Variants in CXorf58 observed in about 807,000 individuals in gnomAD.
The protein encoded by CXorf58 is uncharacterized protein CXorf58.
In CXorf58, 24 loss-of-function variants were observed where a neutral mutation model predicts 26.0. The observed-to-expected ratio is 0.92, with a 90% confidence interval of 0.67 to 1.30. The LOEUF (loss-of-function observed/expected upper bound fraction) is 1.30. Ranked by LOEUF, CXorf58 falls within the 50% of genes most tolerant of loss-of-function variation. The pLI is 0.00. For synonymous variants in CXorf58, 87 were observed against 86.1 expected (o/e 1.01, Z -0.06); for missense variants, 236 against 263.9 (o/e 0.89, Z 0.73).
At chrX:23,924,303 TTTATTTA>T (rs1353105016) in intron 5 of CXorf58, among the ~76,000 whole-genome samples, 1 of 60,633 alleles carries the variant, frequency 1.6e-5, no homozygotes, top group African/African-American at 1.3e-4. Flanking sequence ...CTATCTTTAT[TTTATTTA>T]TTTATTTATT....
chrX:23,937,867 T>A (rs1928333000), intron 7 of CXorf58, among the ~76,000 whole-genome samples: 1 of 110,756 alleles, frequency 9.0e-6, no homozygotes, highest in Non-Finnish European at 1.9e-5. Flanking sequence ...ACAGCTTGTT[T>A]TTCCAACCAT....
intron 3 of CXorf58, among the ~76,000 whole-genome samples, chrX:23,912,912 G>A (rs1373664284): frequency 9.0e-6 from 1 of 111,331 alleles, no homozygotes; most frequent in Non-Finnish European, 1.9e-5. Context: ...AAGTGTTGCT[G>A]CTTTTATAGT....
chrX:23,938,819 A>G (rs1055299939), intron 8 of CXorf58, 119 bp downstream of exon 8: 9 of 493,595 alleles, frequency 1.8e-5, no homozygotes, highest in African/African-American at 1.7e-4. Context: ...AACACATTTG[A>G]CACATTTATC....
intron 6 of CXorf58, among the ~76,000 whole-genome samples, chrX:23,933,139 GA>G (rs113866210): frequency 2.1e-4 from 22 of 102,845 alleles, no homozygotes; most frequent in Non-Finnish European, 2.6e-4. Flanking sequence ...TCCAGAAAAG[GA>G]AAAAAAAAAA....
At chrX:23,916,373 C>A in intron 5 of CXorf58, 45 bp downstream of exon 5, 1 of 799,863 alleles carries the variant, frequency 1.3e-6, no homozygotes, top group Non-Finnish European at 1.9e-6. Flanking sequence ...AGCTTTTTAA[C>A]ATCTACATAG....
chrX:23,908,273 T>C lies in CXorf58; in HGVS notation c.-77T>C, dbSNP rs1927469005. ...AGGTTTTAAATTTAAACTAATATGC[T>C]GTGTCCTTTAATCGGAAAAGGCTCT... On this transcript the variant is annotated 5_prime_UTR_variant, in exon 1 of 9. Coordinates refer to ENST00000379211, the MANE Select transcript of CXorf58 (RefSeq NM_152761.3). 2 of 113,019 alleles carry C rather than the reference T, an allele frequency of 1.8e-5. No homozygotes were observed. The highest frequency in any genetic ancestry group is 3.7e-5 in the Non-Finnish European group (2 of 53,390). The allele number at this position is 113,019 out of a possible 1,213,427, so 9.3% of individuals were successfully genotyped here. A position where few individuals can be genotyped will look rare whatever the true frequency, so the allele number is the denominator to read the frequency against.
chrX:23,935,518 T>C, intron 7 of CXorf58, 93 bp downstream of exon 7: 1 of 652,301 alleles, frequency 1.5e-6, no homozygotes, highest in Non-Finnish European at 2.3e-6. Flanking sequence ...TAAGAGGATA[T>C]ATGGGGAAAA....
intron 3 of CXorf58, among the ~76,000 whole-genome samples, chrX:23,912,233 G>A (rs765094124): frequency 5.7e-4 from 63 of 111,174 alleles, no homozygotes; most frequent in African/African-American, 2.0e-3. Flanking sequence ...TTACAGGCGT[G>A]AGCCACCACG....
In CXorf58 at chrX:23,915,784, AT is replaced by A; in HGVS notation, c.303del (p.Arg102AspfsTer35). 8.9e-7 allele frequency: 1 copy of A among 1,128,094 alleles called. No homozygotes were observed. The highest frequency in any genetic ancestry group is 1.2e-6 in the Non-Finnish European group (1 of 822,559). 93.0% of individuals were successfully genotyped at this position (1,128,094 alleles called of 1,213,427 possible). ...LIKDPTMQCKIRFRFRGETFP... is the reference protein window; with the variant it reads ...LIKDPTMQCKXRFRFRGETFP... ...TAAGGATCCTACTATGCAGTGTAAA[AT>A]TAGATTCAGGTAATGTATCTATGCT... On this transcript the variant is annotated frameshift_variant, in exon 4 of 9. Transcript: ENST00000379211. LOFTEE classifies it high-confidence loss of function.
Position 23,939,327 on chromosome X carries a change from T to C in CXorf58, c.*24T>C. On this transcript the variant is annotated 3_prime_UTR_variant, in exon 9 of 9. Transcript: ENST00000379211. ...GACATTGTGAAAACTAAGGAATCTA[T>C]GTCAGAGTGTCAGCTGGAAAAAGAA... is the stretch of plus-strand genomic sequence containing the variant. 4 of 1,059,393 alleles carry C rather than the reference T, an allele frequency of 3.8e-6. No individual in the cohort carries two copies. The highest frequency in any genetic ancestry group is 5.2e-6 in the Non-Finnish European group (4 of 775,186). The allele number at this position is 1,059,393 out of a possible 1,213,427, so 87.3% of individuals were successfully genotyped here. A position where few individuals can be genotyped will look rare whatever the true frequency, so the allele number is the denominator to read the frequency against.
At chrX:23,934,866 T>C (rs986478753) in intron 6 of CXorf58, among the ~76,000 whole-genome samples, 1 of 107,966 alleles carries the variant, frequency 9.3e-6, no homozygotes, top group Non-Finnish European at 1.9e-5. Flanking sequence ...TTTCTTTTCT[T>C]TTCTTTTTTT....
In CXorf58 at chrX:23,927,305, C is replaced by T. The variant is rs772880794; in HGVS notation, c.490C>T (p.Arg164Cys). The T allele has an allele frequency of 4.3e-6, 5 of 1,158,958 alleles. No individual in the cohort carries two copies. The highest frequency in any genetic ancestry group is 5.8e-6 in the Non-Finnish European group (5 of 856,065). The change falls in exon 6 of 9, where the codon CGT (arginine) becomes TGT (cysteine). Residue 164 changes from arginine to cysteine, a missense_variant. By Grantham distance (180) the Arg-to-Cys change is radical. Coordinates refer to ENST00000379211, the MANE Select transcript of CXorf58 (RefSeq NM_152761.3). ...KFHRIIMEDE[R>C]IFPKSKVTDI... is the part of the protein sequence containing the mutation. ...TCACCGTATAATTATGGAAGATGAA[C>T]GTATTTTCCCGAAGTCCAAAGTAAC...
chrX:23,911,630 C>A, intron 2 of CXorf58, 127 bp from the exon 3 acceptor site: 1 of 400,934 alleles, frequency 2.5e-6, no homozygotes, highest in Non-Finnish European at 4.3e-6. Flanking sequence ...CCAAATGTTC[C>A]TCATTAGGTC....
intron 5 of CXorf58, among the ~76,000 whole-genome samples, chrX:23,919,430 T>C (rs1178748201): frequency 2.7e-5 from 3 of 112,613 alleles, no homozygotes; most frequent in South Asian, 3.6e-4. Context: ...TTATTTTTAA[T>C]TATTTCATTC....
intron 6 of CXorf58, among the ~76,000 whole-genome samples, chrX:23,931,658 A>G (rs1928169390): frequency 8.9e-6 from 1 of 112,122 alleles, no homozygotes; most frequent in South Asian, 3.7e-4. Flanking sequence ...CAAACTTAAT[A>G]ATTTGTGGGG....
chrX:23,937,322 A>G (rs1250805869), intron 7 of CXorf58, among the ~76,000 whole-genome samples: 2 of 111,712 alleles, frequency 1.8e-5, no homozygotes, highest in African/African-American at 3.3e-5. Context: ...ATCAACACCC[A>G]TCAGTCATTG....
chrX:23,909,502 A>T (rs1229812876), intron 1 of CXorf58, among the ~76,000 whole-genome samples: 1 of 112,222 alleles, frequency 8.9e-6, no homozygotes, highest in Non-Finnish European at 1.9e-5. Flanking sequence ...ATTTTGTTTT[A>T]AAAAATATTT....
chrX:23,914,516 T>C (rs1927669044), intron 3 of CXorf58, among the ~76,000 whole-genome samples: 1 of 112,318 alleles, frequency 8.9e-6, no homozygotes, highest in African/African-American at 3.2e-5. Flanking sequence ...CCCCATTCAC[T>C]ACCTGTATGC....
At chrX:23,907,939 C>T (rs952979446), upstream of CXorf58, 4 of 354,364 alleles carry the variant, frequency 1.1e-5, no homozygotes, top group East Asian at 1.4e-4. Flanking sequence ...GAACGCAAAC[C>T]CCGCCCTCCA....
Sources: gnomAD v4.1 joint callset for allele counts (sites outside exome capture counted in the v4.1 genomes callset) on GRCh38, gnomAD v4.1.1 for gene constraint, MANE v1.5 for transcripts, NCBI Gene and HGNC (gene_info 2026-07-23, HGNC 2026-07-21) for gene names.